The following KANK3 variants were observed in gnomAD, a reference collection of about 807,000 sequenced individuals.
KANK3 encodes KN motif and ankyrin repeat domains 3.
A neutral mutation model predicts 65.4 loss-of-function variants in KANK3; 61 were observed. That is an observed-to-expected ratio of 0.93 (90% CI 0.76 to 1.15). KANK3 has a LOEUF of 1.15. Among genes scored for constraint, KANK3 ranks in the 50% most tolerant of loss-of-function variants. The pLI, the probability that KANK3 is intolerant of heterozygous loss-of-function variation, is 0.00. For synonymous variants in KANK3, 586 were observed against 543.3 expected (o/e 1.08, Z -1.09); for missense variants, 1,187 against 1,178.8 (o/e 1.01, Z -0.10).
At chr19:8,332,971 C>G (rs562713021) in intron 7 of KANK3, 43 bp downstream of exon 7, 5 of 1,240,944 alleles carry the variant, frequency 4.0e-6, no homozygotes, top group South Asian at 1.3e-5. Flanking sequence ...CCTCTCCCCC[C>G]ACCCATTTCC....
chr19:8,341,167 C>A (rs1245358752), intron 1 of KANK3, among the ~76,000 whole-genome samples: 1 of 151,612 alleles, frequency 6.6e-6, no homozygotes, highest in African/African-American at 2.4e-5. Context: ...ATAATAACAA[C>A]GCTTTTGATA....
In KANK3 at chr19:8,333,699, G is replaced by A. The variant is rs1970571518; in HGVS notation, c.1719+25C>T. On this transcript the variant is annotated intron_variant, in intron 6 of 10. Transcript: ENST00000330915. The surrounding 1 kb of genome is among the most constrained non-coding windows in gnomAD (Gnocchi z 5.0). ...CTTGGAGGCTCCCACGCCACTCCCT[G>A]GTGCTGCGCTCCCGGGGCACTCACG... The A allele has an allele frequency of 1.4e-6, 2 of 1,437,364 alleles. No homozygotes were observed. Among genetic ancestry groups the A allele is most frequent in the Non-Finnish European group, 1.8e-6 (2 of 1,094,028 alleles). 89.0% of individuals were successfully genotyped at this position (1,437,364 alleles called of 1,614,324 possible).
At chr19:8,338,524 G>A (rs142666119) in intron 1 of KANK3, among the ~76,000 whole-genome samples, 53 of 152,148 alleles carry the variant, frequency 3.5e-4, no homozygotes, top group Admixed American at 1.2e-3. Flanking sequence ...TCTATGTAGT[G>A]GACTATGAGC....
In KANK3 at chr19:8,335,267, C is replaced by A; in HGVS notation, c.560G>T (p.Arg187Leu). 1 of 1,222,328 alleles carries A rather than the reference C, an allele frequency of 8.2e-7. No individual in the cohort carries two copies. Among genetic ancestry groups the A allele is most frequent in the Non-Finnish European group, 1.0e-6 (1 of 980,664 alleles). 75.7% of individuals were successfully genotyped at this position (1,222,328 alleles called of 1,614,324 possible). A position where few individuals can be genotyped will look rare whatever the true frequency, so the allele number is the denominator to read the frequency against. Reference sequence around the variant, plus strand: ...CCGCAGCGCCGCGGCCATCTGCTCGCGCACCAGCTGCAGTTGGGCAGGGCC... The same window carrying A: ...CCGCAGCGCCGCGGCCATCTGCTCGAGCACCAGCTGCAGTTGGGCAGGGCC... ...SPGPAQLQLV[R>L]EQMAAALRRL... Residue 187 changes from arginine to leucine, a missense_variant, in exon 3 of 11, where the codon CGC becomes CTC. Arg to Leu is a moderately radical substitution (Grantham distance 102). Transcript: ENST00000330915.
chr19:8,324,404 G>A lies in KANK3; in HGVS notation c.2382+45C>T, dbSNP rs917206396. 4.6e-6 allele frequency: 7 copies of A among 1,516,566 alleles called. No homozygotes were observed. In the South Asian group the frequency reaches 8.4e-5, roughly 18 times the overall value. The allele number at this position is 1,516,566 out of a possible 1,614,324, so 93.9% of individuals were successfully genotyped here. A position where few individuals can be genotyped will look rare whatever the true frequency, so the allele number is the denominator to read the frequency against. On this transcript the variant is annotated intron_variant, in intron 10 of 10. Transcript: ENST00000330915. The stretch of plus-strand genomic sequence containing the variant: ...GCATATTTACTATCCTCTGCAAACT[G>A]AATTTGCAGCTGGGAAAGTTTGTTT...
At chr19:8,337,197 T>C (rs1970655134) in intron 2 of KANK3, among the ~76,000 whole-genome samples, 1 of 111,982 alleles carries the variant, frequency 8.9e-6, no homozygotes. Flanking sequence ...CATGCCTGGC[T>C]AATTTTTTTT....
At chr19:8,330,565 C>T (rs4332847) in intron 7 of KANK3, among the ~76,000 whole-genome samples, 24,197 of 151,892 alleles carry the variant, frequency 0.16, 2,194 homozygotes, top group Non-Finnish European at 0.21. Flanking sequence ...CCTGTCTGTA[C>T]TAAAAATACA....
At chr19:8,324,569 C>G (rs372748157) in intron 9 of KANK3, 22 bp from the exon 10 acceptor site, 11 of 1,612,830 alleles carry the variant, frequency 6.8e-6, no homozygotes, top group Non-Finnish European at 9.3e-6. Context: ...TAGGGACAGT[C>G]AGATCCCTGA....
intron 2 of KANK3, among the ~76,000 whole-genome samples, chr19:8,336,432 TC>T (rs1568578232): frequency 2.8e-5 from 1 of 35,354 alleles, no homozygotes; most frequent in Non-Finnish European, 6.0e-5. Context: ...AGAGAACCTC[TC>T]AAAAAAAAAA....
chr19:8,326,497 AAAAAAAAAAGCCAGGTGC>A (rs1041021381), intron 7 of KANK3, among the ~76,000 whole-genome samples: 1 of 129,702 alleles, frequency 7.7e-6, no homozygotes, highest in African/African-American at 3.1e-5. Context: ...AAAAAAAAAA[AAAAAAAAAAGCCAGGTGC>A]AGTGGCTCAC....
In KANK3 at chr19:8,334,092, G is replaced by A; in HGVS notation, c.1452C>T (p.Asp484=). 1 of 1,523,652 alleles carries A rather than the reference G, an allele frequency of 6.6e-7. No homozygotes were observed. The highest frequency in any genetic ancestry group is 8.8e-7 in the Non-Finnish European group (1 of 1,136,984). The allele number at this position is 1,523,652 out of a possible 1,614,324, so 94.4% of individuals were successfully genotyped here. A position where few individuals can be genotyped will look rare whatever the true frequency, so the allele number is the denominator to read the frequency against. ...NGEYESSSSE[D]ASDSDGDSEN... is the part of the protein sequence containing the mutation. The stretch of plus-strand genomic sequence containing the variant: ...CGCTGTCGCCATCGCTGTCGCTGGC[G>A]TCCTCGCTGGAGGAGCTCTCGTACC... Residue 484 remains aspartate (D), a synonymous_variant, in exon 5 of 11, where the codon GAC becomes GAT. Coordinates refer to ENST00000330915, the MANE Select transcript of KANK3 (RefSeq NM_198471.3).
chr19:8,324,988 A>G lies in KANK3; in HGVS notation c.2045T>C (p.Leu682Pro). The change falls in exon 8 of 11, where the codon CTC (leucine) becomes CCC (proline). Residue 682 changes from leucine (L) to proline (P), a missense_variant. By Grantham distance (98) the Leu-to-Pro change is moderately conservative. Around this residue, in one of 3 missense-constraint regions of KANK3, gnomAD observed 1,078 missense variants for 1,038.2 expected, o/e 1.04. Coordinates refer to ENST00000330915, the MANE Select transcript of KANK3 (RefSeq NM_198471.3). The part of the protein sequence containing the change: ...EEEDMAVVQR[L>P]FCMGDVNAKA... Reference sequence around the variant, plus strand: ...GGCATTGACATCACCCATGCAGAAGAGTCTCTGGACCACAGCCATGTCCTC... The same window carrying G: ...GGCATTGACATCACCCATGCAGAAGGGTCTCTGGACCACAGCCATGTCCTC... The G allele has an allele frequency of 6.2e-7, 1 of 1,612,900 alleles. No individual in the cohort carries two copies. The highest frequency in any genetic ancestry group is 2.2e-5 in the East Asian group (1 of 44,872).
At position 8,334,756 on chromosome 19, in the gene KANK3, CA is replaced by C. The variant is rs1970598305; in HGVS notation, c.1070del (p.Leu357ArgfsTer12). 1 of 1,525,430 alleles carries C rather than the reference CA, an allele frequency of 6.6e-7. No homozygotes were observed. Among genetic ancestry groups the C allele is most frequent in the Non-Finnish European group, 8.7e-7 (1 of 1,143,848 alleles). 94.5% of individuals were successfully genotyped at this position (1,525,430 alleles called of 1,614,324 possible). ...GCTGGTGCTCCAGACTGGCGCGCAG[CA>C]GCTCTAGCTCGCGCTCGGCGGCCGC... Reference protein sequence around the residue: ...LPAAAERELELLRASLEHQRG... With the variant: ...LPAAAERELEXLRASLEHQRG... On this transcript the variant is annotated frameshift_variant, in exon 3 of 11. Transcript: ENST00000330915. LOFTEE classifies it high-confidence loss of function.
At chr19:8,332,963 T>TC in intron 7 of KANK3, 51 bp downstream of exon 7, 1 of 989,762 alleles carries the variant, frequency 1.0e-6, no homozygotes. Flanking sequence ...GCCCCTGCCC[T>TC]CTCCCCCCAC....
Position 8,334,066 on chromosome 19 carries a change from TCGC to T in KANK3, c.1475_1477del (p.Ser492_Glu493delinsLys). 1.3e-6 allele frequency: 1 copy of T among 761,450 alleles called. No individual in the cohort carries two copies. Among genetic ancestry groups the T allele is most frequent in the Non-Finnish European group, 1.7e-6 (1 of 590,116 alleles). The allele number at this position is 761,450 out of a possible 1,614,324, so 47.2% of individuals were successfully genotyped here. A position where few individuals can be genotyped will look rare whatever the true frequency, so the allele number is the denominator to read the frequency against. On this transcript the variant is annotated inframe_deletion, in exon 5 of 11. Transcript: ENST00000330915. ...ACCCGGGGGCTCGGCGCCACCGTTC[TCGC>T]TGTCGCCATCGCTGTCGCTGGCGTC...
Position 8,332,999 on chromosome 19 carries a change from T to TC in KANK3, c.1936+14dup. ...CCATTTCCTGGTGTCCCACCCACCC[T>TC]CCCTTGGCTCTGACCCGTATCCAGG... On this transcript the variant is annotated intron_variant, in intron 7 of 10. Coordinates refer to ENST00000330915, the MANE Select transcript of KANK3 (RefSeq NM_198471.3). The TC allele has an allele frequency of 1.3e-5, 4 of 303,132 alleles. No homozygotes were observed. Among genetic ancestry groups the TC allele is most frequent in the Admixed American group, 8.0e-5 (2 of 24,916 alleles). 18.8% of individuals were successfully genotyped at this position (303,132 alleles called of 1,614,324 possible). A position where few individuals can be genotyped will look rare whatever the true frequency, so the allele number is the denominator to read the frequency against.
chr19:8,340,083 G>A (rs2145442986), intron 1 of KANK3, among the ~76,000 whole-genome samples: 1 of 151,610 alleles, frequency 6.6e-6, no homozygotes, highest in African/African-American at 2.4e-5. Context: ...AGTGCCTACG[G>A]TGTGCCCTTC....
At chr19:8,332,987 TCCC>T in intron 7 of KANK3, 24 bp downstream of exon 7, 2 of 395,192 alleles carry the variant, frequency 5.1e-6, no homozygotes, top group South Asian at 2.5e-5. Context: ...TTTCCTGGTG[TCCC>T]ACCCACCCTC....
At chr19:8,332,466 C>T (rs1366704557) in intron 7 of KANK3, among the ~76,000 whole-genome samples, 1 of 151,740 alleles carries the variant, frequency 6.6e-6, no homozygotes, top group East Asian at 2.0e-4. Flanking sequence ...GCATGAGCCA[C>T]CATGCCTGGC....
Sources: allele counts gnomAD v4.1 joint callset (sites outside exome capture counted in the v4.1 genomes callset), GRCh38; gene constraint gnomAD v4.1.1; regional missense constraint gnomAD v4.1.1; non-coding constraint Gnocchi (gnomAD v3.1); transcripts MANE v1.5; gene names NCBI Gene and HGNC (gene_info 2026-07-23, HGNC 2026-07-21).